Variants in VPS16 observed in about 807,000 individuals in gnomAD.
VPS16 encodes the protein vacuolar protein sorting-associated protein 16 homolog.
Under a neutral mutation model 116.0 loss-of-function variants are expected in VPS16, and 82 were observed. The observed-to-expected ratio is 0.71, with a 90% CI of 0.59 to 0.85. The LOEUF (loss-of-function observed/expected upper bound fraction) is 0.85, where lower values mean the gene tolerates loss of function less well. Ranked by LOEUF, VPS16 falls within the 40% of genes least tolerant of loss-of-function variation. The pLI is 0.00. For synonymous variants in VPS16, 406 were observed against 420.7 expected, an observed-to-expected ratio of 0.96 and a Z score of 0.43; for missense variants, 928 against 1,090.6, an observed-to-expected ratio of 0.85 and a Z score of 2.10.
At chr20:2,852,389 TG>T (rs1231444408) in intron 1 of VPS16, among the ~76,000 whole-genome samples, 1 of 152,142 alleles carries the variant, frequency 6.6e-6, no homozygotes, top group Non-Finnish European at 1.5e-5. Context: ...AGGGTGAATT[TG>T]GAGCTGAGAG....
At chr20:2,852,489 A>G (rs2089132112) in intron 1 of VPS16, among the ~76,000 whole-genome samples, 1 of 152,166 alleles carries the variant, frequency 6.6e-6, no homozygotes, top group African/African-American at 2.4e-5. Flanking sequence ...TAGTTATAGA[A>G]TGTCAAAAGA....
chr20:2,846,992 G>A (rs1198277761), intron 1 of VPS16, among the ~76,000 whole-genome samples: 1 of 152,182 alleles, frequency 6.6e-6, no homozygotes, highest in Non-Finnish European at 1.5e-5. Context: ...CTCACTAAGT[G>A]TGTGGCCTCT....
At position 2,863,823 on chromosome 20, in the gene VPS16, GAGAAAGAA is replaced by G. The variant is rs11473328; in HGVS notation, c.1477-117_1477-110del. The G allele has an allele frequency of 8.6e-5, 101 of 1,178,070 alleles. 2 individuals are homozygous for G. In the South Asian group the frequency reaches 1.0e-3, roughly 12 times the overall value. The allele number at this position is 1,178,070 out of a possible 1,614,324, so 73.0% of individuals were successfully genotyped here. A position where few individuals can be genotyped will look rare whatever the true frequency, so the allele number is the denominator to read the frequency against. ...GGGAAAGAGAGAGAAAGAAGAAAGA[GAGAAAGAA>G]AGAAAGAAGAAGGAAGGGAGGGAGG... On this transcript the variant is annotated intron_variant, in intron 15 of 23. Coordinates refer to ENST00000380445, the MANE Select transcript of VPS16 (RefSeq NM_022575.4). This position sits in a 1 kb window ranked among gnomAD's most constrained non-coding sequence, Gnocchi z 4.4.
In VPS16 at chr20:2,864,710, G is replaced by A. The variant is rs892321476; in HGVS notation, c.1926+56G>A. 2.5e-6 allele frequency: 4 copies of A among 1,573,250 alleles called. No homozygotes were observed. Among genetic ancestry groups the A allele is most frequent in the East Asian group, 2.2e-5 (1 of 44,718 alleles). The stretch of plus-strand genomic sequence containing the variant: ...TGGGGCATGTGGGCTGGGGCTGTTG[G>A]TCCGGTTCCTTCAGGAATCTAGGCC... On this transcript the variant is annotated intron_variant, in intron 19 of 23. Coordinates refer to ENST00000380445, the MANE Select transcript of VPS16 (RefSeq NM_022575.4). The surrounding 1 kb of genome is among the most constrained non-coding windows in gnomAD (Gnocchi z 5.2).
At chr20:2,848,690 A>G (rs539995682) in intron 1 of VPS16, among the ~76,000 whole-genome samples, 55 of 152,118 alleles carry the variant, frequency 3.6e-4, no homozygotes, top group Non-Finnish European at 6.6e-4. Flanking sequence ...GCCCACTGCT[A>G]CCTTTCTTTG....
intron 1 of VPS16, among the ~76,000 whole-genome samples, chr20:2,845,615 G>A (rs1469635150): frequency 1.1e-4 from 16 of 150,348 alleles, no homozygotes; most frequent in Admixed American, 1.1e-3. Flanking sequence ...TTAAAAAATT[G>A]TGGTTAAATA....
In VPS16 at chr20:2,864,771, G is replaced by A; in HGVS notation, c.1926+117G>A. On this transcript the variant is annotated intron_variant, in intron 19 of 23. Transcript: ENST00000380445. The surrounding 1 kb of genome is among the most constrained non-coding windows in gnomAD (Gnocchi z 5.2). ...GTGCACACTCCATCTGGTCCTCACT[G>A]TGAGGGAGACTCTGACGTGAGGCCA... is the stretch of plus-strand genomic sequence containing the variant. The A allele has an allele frequency of 8.1e-7, 1 of 1,229,632 alleles. No individual in the cohort carries two copies. Among genetic ancestry groups the A allele is most frequent in the Non-Finnish European group, 1.2e-6 (1 of 858,700 alleles). The allele number at this position is 1,229,632 out of a possible 1,614,324, so 76.2% of individuals were successfully genotyped here.
In VPS16 at chr20:2,863,238, C is replaced by A; in HGVS notation, c.1368-52C>A. On this transcript the variant is annotated intron_variant, in intron 14 of 23. Coordinates refer to ENST00000380445, the MANE Select transcript of VPS16 (RefSeq NM_022575.4). This position sits in a 1 kb window ranked among gnomAD's most constrained non-coding sequence, Gnocchi z 4.4. ...ATGTGCAGGCTGAGGCCACTCTGCTCCCTTTCTCCTCCACCTCACTCCTTG... is the reference window on the plus strand; with the variant it reads ...ATGTGCAGGCTGAGGCCACTCTGCTACCTTTCTCCTCCACCTCACTCCTTG... The A allele has an allele frequency of 6.2e-7, 1 of 1,612,188 alleles. No individual in the cohort carries two copies. Among genetic ancestry groups the A allele is most frequent in the South Asian group, 1.1e-5 (1 of 91,024 alleles).
intron 1 of VPS16, among the ~76,000 whole-genome samples, chr20:2,854,228 A>G (rs1376697004): frequency 1.2e-5 from 1 of 85,750 alleles, no homozygotes; most frequent in East Asian, 3.5e-4. Flanking sequence ...GGCAACAGAG[A>G]CCCCGTCTCT....
chr20:2,842,829 T>TCTATCTATCTATCG (rs1568620960), intron 1 of VPS16, among the ~76,000 whole-genome samples: 5 of 3,398 alleles, frequency 1.5e-3, no homozygotes, highest in South Asian at 0.036. Flanking sequence ...TAGATAGACA[T>TCTATCTATCTATCG]ATAGATGTAT....
chr20:2,840,874 C>T (rs1490806987), intron 1 of VPS16, 47 bp downstream of exon 1: 2 of 1,524,722 alleles, frequency 1.3e-6, no homozygotes, highest in Non-Finnish European at 1.8e-6. Flanking sequence ...ACCCTGCTCG[C>T]CCGCCGGCTG....
In VPS16 at chr20:2,860,226, C is replaced by T; in HGVS notation, c.241-13C>T. ...CACCTGAGGACAGCCTTAGGAACCT[C>T]TCTCCCCTGCAGTGGAAGAGTGGAC... is the stretch of plus-strand genomic sequence containing the variant. On this transcript the variant is annotated splice_polypyrimidine_tract_variant and intron_variant, in intron 3 of 23. Transcript: ENST00000380445. This position sits in a 1 kb window ranked among gnomAD's most constrained non-coding sequence, Gnocchi z 6.1. 1 of 1,613,964 alleles carries T rather than the reference C, an allele frequency of 6.2e-7. No individual in the cohort carries two copies. Among genetic ancestry groups the T allele is most frequent in the Non-Finnish European group, 8.5e-7 (1 of 1,179,966 alleles).
chr20:2,856,791 G>T (rs6037426), intron 1 of VPS16, among the ~76,000 whole-genome samples: 78,447 of 152,008 alleles, frequency 0.52, 23,203 homozygotes, highest in African/African-American at 0.8. Context: ...TTTCCTAGAC[G>T]CCATCCTCTT....
chr20:2,858,960 T>C (rs2089200288), intron 1 of VPS16, among the ~76,000 whole-genome samples: 2 of 152,150 alleles, frequency 1.3e-5, no homozygotes, highest in African/African-American at 4.8e-5. Flanking sequence ...TCAATAAGCA[T>C]AGAGCTGAAC....
At chr20:2,854,232 C>T (rs770481044) in intron 1 of VPS16, among the ~76,000 whole-genome samples, 3 of 145,314 alleles carry the variant, frequency 2.1e-5, no homozygotes, top group South Asian at 2.2e-4. Flanking sequence ...ACAGAGACCC[C>T]GTCTCTACAC....
At position 2,865,404 on chromosome 20, in the gene VPS16, G is replaced by C. The variant is rs573164184; in HGVS notation, c.2180G>C (p.Trp727Ser). Residue 727 changes from tryptophan to serine, a missense_variant, in exon 22 of 24, where the codon TGG (tryptophan) becomes TCG (serine). Physicochemically the swap from Trp to Ser is radical, Grantham distance 177. Transcript: ENST00000380445. The surrounding 1 kb of genome is among the most constrained non-coding windows in gnomAD (Gnocchi z 5.2). ...CAAGCCCAGCTTTCCTGCAGGCTCTGGTGGCTGAAGCTGACTGCCCTGGCA... is the reference window on the plus strand; with the variant it reads ...CAAGCCCAGCTTTCCTGCAGGCTCTCGTGGCTGAAGCTGACTGCCCTGGCA... ...RDFRIPDKRLWWLKLTALADL... is the reference protein window; with the variant it reads ...RDFRIPDKRLSWLKLTALADL... 37 of 1,614,140 alleles carry C rather than the reference G, an allele frequency of 2.3e-5. 1 individual carries two copies. The South Asian group carries it at 3.8e-4, about 17-fold the overall frequency.
At chr20:2,862,173 C>T (rs2089235669) in intron 11 of VPS16, 43 bp downstream of exon 11, 1 of 1,591,080 alleles carries the variant, frequency 6.3e-7, no homozygotes, top group African/African-American at 1.3e-5. Context: ...ATGGTTCCTC[C>T]TGCCCCTGCG....
intron 1 of VPS16, among the ~76,000 whole-genome samples, chr20:2,854,432 AAAAAC>A (rs1183048931): frequency 3.9e-5 from 6 of 152,034 alleles, no homozygotes; most frequent in South Asian, 2.1e-4. Context: ...ATGTCTTTCT[AAAAAC>A]AAAACAAAAC....
At position 2,861,100 on chromosome 20, in the gene VPS16, C is replaced by G. The variant is rs746218240; in HGVS notation, c.753+8C>G. 87 of 1,614,076 alleles carry G rather than the reference C, an allele frequency of 5.4e-5. No individual in the cohort carries two copies. The Admixed American group carries it at 1.4e-3, about 26-fold the overall frequency. ...GGGACAGCATCACTCAAGGTATGAT[C>G]CTGGGGCAACACAGGGGTACTGTGC... is the stretch of plus-strand genomic sequence containing the variant. On this transcript the variant is annotated splice_region_variant and intron_variant, in intron 7 of 23. Transcript: ENST00000380445.
Sources: gnomAD v4.1 joint callset for allele counts (sites outside exome capture counted in the v4.1 genomes callset) on GRCh38, gnomAD v4.1.1 for gene constraint, Gnocchi (gnomAD v3.1) non-coding constraint, MANE v1.5 for transcripts, NCBI Gene and HGNC (gene_info 2026-07-23, HGNC 2026-07-21) for gene names.